ZNF829: variants seen among roughly 807,000 people sequenced by gnomAD.
ZNF829 encodes the protein zinc finger protein 829.
ZNF829 carries 25 observed loss-of-function variants against 35.2 expected under a neutral mutation model. The observed-to-expected ratio is 0.71, with a 90% confidence interval of 0.52 to 0.99. The LOEUF (loss-of-function observed/expected upper bound fraction) is 0.99, where lower values mean the gene tolerates loss of function less well. Among genes scored for constraint, ZNF829 ranks in the 50% least tolerant of loss-of-function variants. The pLI is 0.00. For synonymous variants in ZNF829, 136 were observed against 163.2 expected, an observed-to-expected ratio of 0.83 and a Z score of 1.27; for missense variants, 417 against 515.3, an observed-to-expected ratio of 0.81 and a Z score of 1.85.
At position 36,915,216 on chromosome 19, in the gene ZNF829, C is replaced by T; in HGVS notation, c.-49G>A. 6.2e-7 allele frequency: 1 copy of T among 1,614,010 alleles called. No homozygotes were observed. ...GGGAAAGGTTGTGTTCACTGCTGTC[C>T]AGGGTTGGAATCTGACCAGACCTCA... On this transcript the variant is annotated 5_prime_UTR_variant, in exon 2 of 6. Coordinates refer to ENST00000391711, the MANE Select transcript of ZNF829 (RefSeq NM_001037232.4).
rs1361519116 is a variant in ZNF829, at chr19:36,900,173, C to T, written c.320-7702G>A. On this transcript the variant is annotated intron_variant, in intron 5 of 5. Coordinates refer to ENST00000391711, the MANE Select transcript of ZNF829 (RefSeq NM_001037232.4). ...ACACACACACACACACACACACACACACACACACACACACACACACACACA... is the reference window on the plus strand; with the variant it reads ...ACACACACACACACACACACACACATACACACACACACACACACACACACA... Among the ~76,000 whole-genome samples, 7 of 150,228 alleles carry T rather than the reference C, an allele frequency of 4.7e-5. No individual in the cohort carries two copies. In the East Asian group the frequency reaches 1.4e-3, roughly 30 times the overall value.
chr19:36,902,266 G>C (rs1429949229), intron 5 of ZNF829: 1 of 168,688 alleles, frequency 5.9e-6, no homozygotes, highest in Non-Finnish European at 1.3e-5. Flanking sequence ...AAAAAGACTG[G>C]CTTAATAATT....
chr19:36,916,074 A>G lies in ZNF829; in HGVS notation c.-148T>C. ...TTCGAATTCCTGCGAGAAAAGTGGC[A>G]GGCCACCAGGCCCTCTGGGAAATGT... On this transcript the variant is annotated 5_prime_UTR_variant, in exon 1 of 6. Coordinates refer to ENST00000391711, the MANE Select transcript of ZNF829 (RefSeq NM_001037232.4). The surrounding 1 kb of genome is among the most constrained non-coding windows in gnomAD (Gnocchi z 5.3). 2 of 746,986 alleles carry G rather than the reference A, an allele frequency of 2.7e-6. No individual in the cohort carries two copies. The highest frequency in any genetic ancestry group is 2.9e-5 in the East Asian group (1 of 34,208). 46.3% of individuals were successfully genotyped at this position (746,986 alleles called of 1,614,324 possible).
Position 36,892,428 on chromosome 19 carries a change from C to CT in ZNF829, c.362dup (p.Arg122GlufsTer11), listed in dbSNP as rs781104933. 1.2e-5 allele frequency: 20 copies of CT among 1,605,768 alleles called. No homozygotes were observed. Among genetic ancestry groups the CT allele is most frequent in the Non-Finnish European group, 1.7e-5 (20 of 1,178,692 alleles). Reference sequence around the variant, plus strand: ...TAATTATTACTTGACTGAAATGTCTCTTCTTTAGAGATAATATTTTGGTCT... The same window carrying CT: ...TAATTATTACTTGACTGAAATGTCTCTTTCTTTAGAGATAATATTTTGGTCT... On this transcript the variant is annotated frameshift_variant, in exon 6 of 6. Coordinates refer to ENST00000391711, the MANE Select transcript of ZNF829 (RefSeq NM_001037232.4). LOFTEE classifies it high-confidence loss of function.
In ZNF829 at chr19:36,888,513, A is replaced by T. The variant is rs1251450578; in HGVS notation, c.*2979T>A. On this transcript the variant is annotated 3_prime_UTR_variant, in exon 6 of 6. Coordinates refer to ENST00000391711, the MANE Select transcript of ZNF829 (RefSeq NM_001037232.4). ...TGCACTCTGAAATCCACAGTAACTTATTAGCATAATGCCCCCACCTTTTAA... is the reference window on the plus strand; with the variant it reads ...TGCACTCTGAAATCCACAGTAACTTTTTAGCATAATGCCCCCACCTTTTAA... 1 of 152,196 alleles carries T rather than the reference A, an allele frequency of 6.6e-6. No individual in the cohort carries two copies. Among genetic ancestry groups the T allele is most frequent in the Non-Finnish European group, 1.5e-5 (1 of 68,038 alleles). The allele number at this position is 152,196 out of a possible 1,614,324, so 9.4% of individuals were successfully genotyped here. A position where few individuals can be genotyped will look rare whatever the true frequency, so the allele number is the denominator to read the frequency against.
At chr19:36,908,064 G>A in intron 4 of ZNF829, 40 bp from the exon 5 acceptor site, 2 of 1,571,078 alleles carry the variant, frequency 1.3e-6, no homozygotes, top group Non-Finnish European at 1.7e-6. Context: ...TTATGCTGTG[G>A]GGTCCCCAGA....
chr19:36,909,961 A>G (rs1442454852), intron 3 of ZNF829, among the ~76,000 whole-genome samples: 1 of 152,204 alleles, frequency 6.6e-6, no homozygotes, highest in Non-Finnish European at 1.5e-5. Flanking sequence ...ATATAGGAAT[A>G]TTAATTAGAA....
chr19:36,907,826 C>A (rs879032066), intron 5 of ZNF829, 103 bp downstream of exon 5: 2 of 933,620 alleles, frequency 2.1e-6, no homozygotes, highest in Admixed American at 2.9e-5. Context: ...AGTGGGATAG[C>A]TTATATGGAA....
intron 5 of ZNF829, among the ~76,000 whole-genome samples, chr19:36,894,350 A>G (rs1162474042): frequency 2.0e-5 from 3 of 152,250 alleles, no homozygotes; most frequent in Admixed American, 2.0e-4. Context: ...GACCATAACA[A>G]GAAATACACA....
intron 1 of ZNF829, chr19:36,915,798 T>C: frequency 6.8e-7 from 1 of 1,465,036 alleles, no homozygotes; most frequent in South Asian, 1.2e-5. Flanking sequence ...GGTTTCACCA[T>C]GTTGGCCAGG....
intron 5 of ZNF829, 146 bp from the exon 6 acceptor site, chr19:36,892,617 A>C (rs2073068886): frequency 2.4e-6 from 2 of 843,168 alleles, no homozygotes; most frequent in South Asian, 3.8e-5. Context: ...AAAACTGACA[A>C]GAAAAGCACA....
At chr19:36,897,176 G>A (rs868356719) in intron 5 of ZNF829, among the ~76,000 whole-genome samples, 9 of 152,214 alleles carry the variant, frequency 5.9e-5, no homozygotes, top group Non-Finnish European at 2.9e-5. Flanking sequence ...AAAAATGGAA[G>A]AGAAGTTAAT....
chr19:36,913,661 G>C (rs2073282270), intron 3 of ZNF829, among the ~76,000 whole-genome samples: 1 of 151,882 alleles, frequency 6.6e-6, no homozygotes, highest in Non-Finnish European at 1.5e-5. Flanking sequence ...ACCTGAGAAG[G>C]AAAGGGGGAG....
intron 1 of ZNF829, 114 bp downstream of exon 1, chr19:36,915,897 C>A: frequency 3.3e-6 from 5 of 1,536,102 alleles, no homozygotes; most frequent in Non-Finnish European, 4.4e-6. Context: ...CCGCAGGGGC[C>A]CAAGGCGCCA....
At position 36,891,467 on chromosome 19, in the gene ZNF829, C is replaced by T. The variant is rs1874398117; in HGVS notation, c.*25G>A. The T allele has an allele frequency of 1.3e-6, 2 of 1,513,840 alleles. No individual in the cohort carries two copies. Among genetic ancestry groups the T allele is most frequent in the Admixed American group, 2.3e-5 (1 of 44,026 alleles). The allele number at this position is 1,513,840 out of a possible 1,614,324, so 93.8% of individuals were successfully genotyped here. A position where few individuals can be genotyped will look rare whatever the true frequency, so the allele number is the denominator to read the frequency against. On this transcript the variant is annotated 3_prime_UTR_variant, in exon 6 of 6. Coordinates refer to ENST00000391711, the MANE Select transcript of ZNF829 (RefSeq NM_001037232.4). Reference sequence around the variant, plus strand: ...TTAAAAAAATTATTATAAAGGTTAACAAAATGGTCTTACTTTACTGTCATT... The same window carrying T: ...TTAAAAAAATTATTATAAAGGTTAATAAAATGGTCTTACTTTACTGTCATT...
intron 5 of ZNF829, among the ~76,000 whole-genome samples, chr19:36,897,565 T>C (rs1000680411): frequency 2.6e-5 from 4 of 151,996 alleles, no homozygotes; most frequent in African/African-American, 4.8e-5. Flanking sequence ...ATAAAGACCA[T>C]ATATGACAAA....
chr19:36,902,960 C>T (rs1385922679), intron 5 of ZNF829, among the ~76,000 whole-genome samples: 1 of 151,410 alleles, frequency 6.6e-6, no homozygotes, highest in African/African-American at 2.4e-5. Flanking sequence ...CGCTTGAACC[C>T]GGGAGGCGGA....
At chr19:36,902,414 T>C (rs575790619) in intron 5 of ZNF829, among the ~76,000 whole-genome samples, 17 of 151,206 alleles carry the variant, frequency 1.1e-4, no homozygotes, top group Non-Finnish European at 2.4e-4. Context: ...GCAGGCGGAT[T>C]ACTTTAGCTT....
rs770593952 is a variant in ZNF829, at chr19:36,892,318, C to T, written c.473G>A (p.Cys158Tyr). Residue 158 changes from cysteine to tyrosine, a missense_variant, in exon 6 of 6, where the codon TGT becomes TAT. By Grantham distance (194) the Cys-to-Tyr change is radical. Transcript: ENST00000391711. ...KTMSEEKPWE[C>Y]KICGKTFNQN... is the part of the protein sequence containing the mutation. ...ATTAAAGGTCTTTCCACATATCTTACATTCCCATGGTTTCTCTTCACTCAT... is the reference window on the plus strand; with the variant it reads ...ATTAAAGGTCTTTCCACATATCTTATATTCCCATGGTTTCTCTTCACTCAT... 6.2e-7 allele frequency: 1 copy of T among 1,613,814 alleles called. No individual in the cohort carries two copies. The highest frequency in any genetic ancestry group is 2.2e-5 in the East Asian group (1 of 44,864).
Sources: allele counts gnomAD v4.1 joint callset (sites outside exome capture counted in the v4.1 genomes callset), GRCh38; gene constraint gnomAD v4.1.1; non-coding constraint Gnocchi (gnomAD v3.1); transcripts MANE v1.5; gene names NCBI Gene and HGNC (gene_info 2026-07-23, HGNC 2026-07-21).